Variants in ARMH3 observed in about 807,000 individuals in gnomAD.
The protein encoded by ARMH3 is armadillo-like helical domain-containing protein 3.
In ARMH3, 60 loss-of-function variants were observed where a neutral mutation model predicts 99.1. The observed-to-expected ratio is 0.61, with a 90% CI of 0.49 to 0.75. The LOEUF (loss-of-function observed/expected upper bound fraction) is 0.75, where lower values mean the gene tolerates loss of function less well. Among genes scored for constraint, ARMH3 ranks in the 30% least tolerant of loss-of-function variants. The probability of loss-of-function intolerance (pLI) is 0.00; values close to 1 mark genes in which losing one functional copy is unlikely to be tolerated. For missense variants in ARMH3, 679 were observed against 843.1 expected, an observed-to-expected ratio of 0.81 and a Z score of 2.41; for synonymous variants, 285 against 292.8, an observed-to-expected ratio of 0.97 and a Z score of 0.27.
At chr10:101,942,698 CTAAAGAT>C (rs1439014532) in intron 22 of ARMH3, among the ~76,000 whole-genome samples, 2 of 152,040 alleles carry the variant, frequency 1.3e-5, no homozygotes, top group African/African-American at 2.4e-5. Flanking sequence ...CCCATCTCTA[CTAAAGAT>C]ACAAAAAAAA....
At chr10:101,948,521 A>C (rs779904849) in intron 22 of ARMH3, among the ~76,000 whole-genome samples, 3 of 152,234 alleles carry the variant, frequency 2.0e-5, no homozygotes, top group Non-Finnish European at 4.4e-5. Flanking sequence ...GGAGGATATT[A>C]TATAATGATA....
Position 102,011,861 on chromosome 10 carries a change from G to A in ARMH3, c.771-78C>T, listed in dbSNP as rs191146265. On this transcript the variant is annotated intron_variant, in intron 10 of 25. Transcript: ENST00000370033. Reference sequence around the variant, plus strand: ...TGTCCTTGACATTTGGGGTAATCAGGGCAGAGCACTCTTAAAATTCTCTGA... The same window carrying A: ...TGTCCTTGACATTTGGGGTAATCAGAGCAGAGCACTCTTAAAATTCTCTGA... 1.3e-4 allele frequency: 150 copies of A among 1,151,766 alleles called. 1 individual carries two copies. The East Asian group carries it at 3.7e-3, about 28-fold the overall frequency. 71.3% of individuals were successfully genotyped at this position (1,151,766 alleles called of 1,614,324 possible).
chr10:102,029,916 TTTTG>T (rs1271593172), intron 4 of ARMH3, among the ~76,000 whole-genome samples, 171 bp from the exon 5 acceptor site: 1 of 151,656 alleles, frequency 6.6e-6, no homozygotes, highest in African/African-American at 2.4e-5. Context: ...GGTTCGGTTT[TTTTG>T]TTTGTTTGTT....
chr10:101,889,661 A>G, intron 23 of ARMH3, 171 bp from the exon 24 acceptor site: 3 of 657,710 alleles, frequency 4.6e-6, no homozygotes, highest in South Asian at 3.4e-5. Context: ...GGGTGAATTG[A>G]TAACTCTGAA....
chr10:101,907,362 T>C (rs1364742565), intron 23 of ARMH3, among the ~76,000 whole-genome samples: 1 of 151,820 alleles, frequency 6.6e-6, no homozygotes, highest in Non-Finnish European at 1.5e-5. Flanking sequence ...GGAACTGGGA[T>C]AACTGTTTTT....
chr10:102,025,342 C>T, intron 5 of ARMH3, 94 bp from the exon 6 acceptor site: 2 of 930,940 alleles, frequency 2.1e-6, no homozygotes, highest in East Asian at 4.9e-5. Context: ...ATGTGAATAA[C>T]ACACAATAAA....
In ARMH3 at chr10:101,956,722, A is replaced by G. The variant is rs759389501; in HGVS notation, c.1580T>C (p.Ile527Thr). 2.4e-5 allele frequency: 38 copies of G among 1,612,788 alleles called. No individual in the cohort carries two copies. Among genetic ancestry groups the G allele is most frequent in the Non-Finnish European group, 3.0e-5 (35 of 1,179,150 alleles). The change falls in exon 22 of 26, where the codon ATT becomes ACT. Residue 527 changes from isoleucine to threonine, a missense_variant and splice_region_variant. By Grantham distance (89) the Ile-to-Thr change is moderately conservative. Around this residue, in one of 3 missense-constraint regions of ARMH3, gnomAD observed 389 missense variants for 456.5 expected, o/e 0.85. Transcript: ENST00000370033. ...GATAAACATATTAAATAGGTTCACA[A>G]TCTAAAAAAGAAGGAAAGGCCCATA... ...KHNIFTLALMIVNLFNMFITY... is the reference protein window; with the variant it reads ...KHNIFTLALMTVNLFNMFITY...
chr10:102,039,973 T>G (rs779219364), intron 2 of ARMH3, 40 bp downstream of exon 2: 2 of 1,553,952 alleles, frequency 1.3e-6, no homozygotes, highest in South Asian at 1.1e-5. Flanking sequence ...ACTAAGAAAC[T>G]AAAGACTCAA....
rs1385930667 is a variant in ARMH3 at position 102,040,140 on chromosome 10, T to C, written c.-11-15A>G. ...GGTTAGAGAATCTGTGAACAGAAAG[T>C]CACATTTTAGAATAGTGAAAATACT... On this transcript the variant is annotated splice_polypyrimidine_tract_variant and intron_variant, in intron 1 of 25. Coordinates refer to ENST00000370033, the MANE Select transcript of ARMH3 (RefSeq NM_024541.3). 1 of 1,594,078 alleles carries C rather than the reference T, an allele frequency of 6.3e-7. No individual in the cohort carries two copies.
At chr10:102,021,634 G>GC (rs1222706936) in intron 8 of ARMH3, among the ~76,000 whole-genome samples, 1 of 150,870 alleles carries the variant, frequency 6.6e-6, no homozygotes, top group Non-Finnish European at 1.5e-5. Context: ...TGCAAGCTCC[G>GC]CCTCCTGGGT....
At chr10:102,016,604 G>C (rs1206798281) in intron 8 of ARMH3, among the ~76,000 whole-genome samples, 1 of 152,174 alleles carries the variant, frequency 6.6e-6, no homozygotes, top group Non-Finnish European at 1.5e-5. Context: ...CATGCTCTAG[G>C]AAACAGTTGG....
At chr10:101,882,826 A>G (rs2067451547) in intron 24 of ARMH3, among the ~76,000 whole-genome samples, 1 of 152,222 alleles carries the variant, frequency 6.6e-6, no homozygotes, top group Non-Finnish European at 1.5e-5. Flanking sequence ...AAAGTAGCTA[A>G]GCTAGTGATT....
intron 23 of ARMH3, among the ~76,000 whole-genome samples, chr10:101,931,626 G>C (rs151279634): frequency 1.3e-5 from 2 of 151,912 alleles, no homozygotes; most frequent in African/African-American, 4.8e-5. Flanking sequence ...ACTCAAAATG[G>C]ATCAAAGGAA....
intron 15 of ARMH3, among the ~76,000 whole-genome samples, chr10:101,999,484 G>A (rs979814622): frequency 1.5e-4 from 23 of 151,926 alleles, no homozygotes; most frequent in African/African-American, 5.6e-4. Context: ...GAGCCACAGC[G>A]CCCAGCCAAA....
chr10:101,944,100 T>C (rs1245583692), intron 22 of ARMH3, among the ~76,000 whole-genome samples: 7 of 148,570 alleles, frequency 4.7e-5, no homozygotes, highest in South Asian at 2.1e-4. Context: ...ATACGTTCGA[T>C]ATATTCAGGA....
chr10:101,961,047 C>T lies in ARMH3; in HGVS notation c.1496-3315G>A, dbSNP rs574629857. The stretch of plus-strand genomic sequence containing the variant: ...GACTCTGGTTTATAACTTTCTCCAC[C>T]TGTTGGCTGCTCTACGTCATTTTCA... On this transcript the variant is annotated intron_variant, in intron 20 of 25. Transcript: ENST00000370033. Among the ~76,000 whole-genome samples the T allele has an allele frequency of 2.6e-5, 4 of 152,304 alleles. No homozygotes were observed. The South Asian group carries it at 8.3e-4, about 32-fold the overall frequency.
intron 15 of ARMH3, among the ~76,000 whole-genome samples, chr10:101,998,651 CTCTG>C (rs893270614): frequency 2.0e-5 from 3 of 152,190 alleles, no homozygotes; most frequent in Non-Finnish European, 2.9e-5. Context: ...GCTCTCCTGT[CTCTG>C]TCTACCAATG....
rs1326552188 is a variant in ARMH3 at position 102,023,690 on chromosome 10, A to G, written c.567T>C (p.Phe189=). Residue 189 remains phenylalanine, a synonymous_variant, in exon 7 of 26, where the codon TTT becomes TTC. Coordinates refer to ENST00000370033, the MANE Select transcript of ARMH3 (RefSeq NM_024541.3). ...ILEYVMINSI[F]EAILQILSHP... is the part of the protein sequence containing the mutation. The stretch of plus-strand genomic sequence containing the variant: ...AGGGACCTACCTGTAAAATTGCTTC[A>G]AATATGCTGTTGATCATTACATACT... 6.2e-7 allele frequency: 1 copy of G among 1,614,016 alleles called. No individual in the cohort carries two copies. Among genetic ancestry groups the G allele is most frequent in the Non-Finnish European group, 8.5e-7 (1 of 1,179,980 alleles).
intron 8 of ARMH3, among the ~76,000 whole-genome samples, chr10:102,020,262 C>T (rs1030304090): frequency 2.0e-5 from 3 of 150,876 alleles, no homozygotes; most frequent in Non-Finnish European, 4.4e-5. Flanking sequence ...TGGCCAGGCA[C>T]GGTAGCTCAC....
Sources: allele counts gnomAD v4.1 joint callset (sites outside exome capture counted in the v4.1 genomes callset), GRCh38; gene constraint gnomAD v4.1.1; regional missense constraint gnomAD v4.1.1; transcripts MANE v1.5; gene names NCBI Gene and HGNC (gene_info 2026-07-23, HGNC 2026-07-21).